The following BST1 variants were observed in gnomAD, a reference collection of about 807,000 sequenced individuals.
The protein encoded by BST1 is ADP-ribosyl cyclase/cyclic ADP-ribose hydrolase 2.
Under a neutral mutation model 40.6 loss-of-function variants are expected in BST1, and 49 were observed. The ratio of observed to expected loss-of-function variants is 1.21; its 90% confidence interval spans 0.96 to 1.53. The LOEUF is 1.53. Among genes scored for constraint, BST1 ranks in the 40% most tolerant of loss-of-function variants. The probability of loss-of-function intolerance (pLI) is 0.00; values close to 1 mark genes in which losing one functional copy is unlikely to be tolerated. For missense variants in BST1, 423 were observed against 395.9 expected, an observed-to-expected ratio of 1.07 and a Z score of -0.58; for synonymous variants, 157 against 159.3, an observed-to-expected ratio of 0.99 and a Z score of 0.11.
chr4:15,754,548 G>A, the BST1 span, among the ~76,000 whole-genome samples: 4 of 152,074 alleles, frequency 2.6e-5, no homozygotes, highest in Admixed American at 6.6e-5. Flanking sequence ...AGCACTGTGT[G>A]GTTTTGAATG....
intron 6 of BST1, 83 bp downstream of exon 6, chr4:15,715,882 T>C: frequency 1.9e-6 from 2 of 1,052,020 alleles, no homozygotes; most frequent in Non-Finnish European, 2.7e-6. Context: ...TTTAACATTT[T>C]CAGTTTAGGG....
chr4:15,703,594 G>A (rs528462308), intron 1 of BST1, among the ~76,000 whole-genome samples: 2 of 148,850 alleles, frequency 1.3e-5, no homozygotes, highest in Non-Finnish European at 3.0e-5. Flanking sequence ...ACACACTGTA[G>A]AGGTGAGGGG....
chr4:15,733,101 G>A (rs928709494), downstream of BST1, among the ~76,000 whole-genome samples: 15 of 152,114 alleles, frequency 9.9e-5, no homozygotes, highest in Admixed American at 3.3e-4. Flanking sequence ...AATGTGGAAG[G>A]GGACCCAAGC....
intron 4 of BST1, 90 bp from the exon 5 acceptor site, chr4:15,715,195 T>C: frequency 8.5e-7 from 1 of 1,180,516 alleles, no homozygotes; most frequent in Non-Finnish European, 1.2e-6. Context: ...CTTGCCATTA[T>C]TTAGAACTGA....
chr4:15,760,866 T>C, the BST1 span, among the ~76,000 whole-genome samples: 4 of 150,412 alleles, frequency 2.7e-5, 1 homozygote, highest in African/African-American at 9.8e-5. Context: ...TTTTTTTTTT[T>C]GGTATTTTTA....
intron 1 of BST1, among the ~76,000 whole-genome samples, chr4:15,703,824 T>TGAG (rs1719704197): frequency 8.8e-6 from 1 of 113,434 alleles, no homozygotes; most frequent in Non-Finnish European, 1.8e-5. Context: ...GTTCCAGAGG[T>TGAG]GAGGTGTCTG....
chr4:15,711,963 C>A, intron 4 of BST1, 74 bp downstream of exon 4: 2 of 1,342,334 alleles, frequency 1.5e-6, no homozygotes, highest in Non-Finnish European at 1.1e-6. Context: ...CATTCAGAGT[C>A]TGGGCCCCAG....
chr4:15,711,864 C>T lies in BST1; in HGVS notation c.509C>T (p.Ser170Phe), dbSNP rs758740988. The T allele has an allele frequency of 6.8e-6, 11 of 1,613,914 alleles. No homozygotes were observed. The African/African-American group carries it at 1.5e-4, about 22-fold the overall frequency. Reference protein sequence around the residue: ...SEDCENNPVDSFWKRASIQYS... With the variant: ...SEDCENNPVDFFWKRASIQYS... ...GACTGTGAAAATAATCCTGTGGATT[C>T]CTTTTGGAAAAGGGCATCCATCCAG... The change falls in exon 4 of 9, where the codon TCC (serine) becomes TTC (phenylalanine). Residue 170 changes from serine (S) to phenylalanine (F), a missense_variant. By Grantham distance (155) the Ser-to-Phe change is radical. Transcript: ENST00000265016.
At chr4:15,734,461 A>G (rs1229758690), downstream of BST1, among the ~76,000 whole-genome samples, 1 of 152,162 alleles carries the variant, frequency 6.6e-6, no homozygotes. Flanking sequence ...ATACAAATTT[A>G]ATATATTAAA....
chr4:15,715,900 C>A, intron 6 of BST1, 101 bp downstream of exon 6: 1 of 875,024 alleles, frequency 1.1e-6, no homozygotes, highest in Non-Finnish European at 1.7e-6. Context: ...GGGGAAATGA[C>A]AGCCTTCTTT....
At chr4:15,703,843 T>G (rs1577561795) in intron 1 of BST1, among the ~76,000 whole-genome samples, 6 of 132,428 alleles carry the variant, frequency 4.5e-5, no homozygotes, top group African/African-American at 1.5e-4. Flanking sequence ...TGTATGTGTG[T>G]TCTAGAGGTG....
At chr4:15,713,494 A>G (rs1385271748) in intron 4 of BST1, among the ~76,000 whole-genome samples, 2 of 151,970 alleles carry the variant, frequency 1.3e-5, no homozygotes, top group African/African-American at 4.8e-5. Context: ...AAATAGTTTC[A>G]TCTTTATGAC....
At chr4:15,713,963 C>A (rs1245558829) in intron 4 of BST1, among the ~76,000 whole-genome samples, 1 of 152,150 alleles carries the variant, frequency 6.6e-6, no homozygotes, top group South Asian at 2.1e-4. Flanking sequence ...CTCAGTCTCC[C>A]AAATGGCTGA....
intron 6 of BST1, 124 bp downstream of exon 6, chr4:15,715,923 G>C (rs1480731218): frequency 1.2e-5 from 8 of 678,260 alleles, no homozygotes; most frequent in African/African-American, 1.9e-5. Flanking sequence ...TTCTAATGGG[G>C]TTGGTAGAGA....
the BST1 span, among the ~76,000 whole-genome samples, chr4:15,751,137 A>G: frequency 1.3e-5 from 2 of 152,178 alleles, no homozygotes; most frequent in African/African-American, 4.8e-5. Context: ...GGGGTGGTGC[A>G]TGGAGTGGAT....
At chr4:15,737,734 A>G (rs1721621369), downstream of BST1, 1 of 1,250,140 alleles carries the variant, frequency 8.0e-7, no homozygotes, top group Non-Finnish European at 1.0e-6. Flanking sequence ...ACTTGGCTGT[A>G]TTCCCTCTAG....
chr4:15,722,829 T>C (rs1431858175), intron 7 of BST1, 46 bp from the exon 8 acceptor site: 1 of 1,558,618 alleles, frequency 6.4e-7, no homozygotes, highest in Admixed American at 1.7e-5. Context: ...GGTTGATGGA[T>C]GAAAGTTATT....
chr4:15,723,569 C>A, intron 8 of BST1: 1 of 985,386 alleles, frequency 1.0e-6, no homozygotes, highest in Non-Finnish European at 1.2e-6. Context: ...TTATGTAATC[C>A]TTTCTGAGTC....
the BST1 span, among the ~76,000 whole-genome samples, chr4:15,770,268 T>G: frequency 2.6e-3 from 394 of 152,332 alleles, 3 homozygotes; most frequent in African/African-American, 9.1e-3. Flanking sequence ...GGCCTGGAGA[T>G]AGTCATGCCT....
Sources: gnomAD v4.1 joint callset for allele counts (sites outside exome capture counted in the v4.1 genomes callset) on GRCh38, gnomAD v4.1.1 for gene constraint, MANE v1.5 for transcripts, NCBI Gene and HGNC (gene_info 2026-07-23, HGNC 2026-07-21) for gene names.